Variants in PMPCB observed in about 807,000 individuals in gnomAD.
PMPCB encodes mitochondrial-processing peptidase subunit beta.
A neutral mutation model predicts 61.5 loss-of-function variants in PMPCB; 46 were observed. The ratio of observed to expected loss-of-function variants is 0.75; its 90% CI spans 0.59 to 0.96. The LOEUF (loss-of-function observed/expected upper bound fraction) is 0.96, where lower values mean the gene tolerates loss of function less well. PMPCB is among the 40% of genes least tolerant of loss of function. The probability of loss-of-function intolerance (pLI) is 0.00; values close to 1 mark genes in which losing one functional copy is unlikely to be tolerated. For missense variants in PMPCB, 590 were observed against 602.4 expected, an observed-to-expected ratio of 0.98 and a Z score of 0.22; for synonymous variants, 191 against 201.6, an observed-to-expected ratio of 0.95 and a Z score of 0.44.
At position 103,314,606 on chromosome 7, in the gene PMPCB, T is replaced by C. The variant is rs1563453722; in HGVS notation, c.*2335T>C. ...AGGTGCAGGAGAATAAACTCCTTTA[T>C]AAAGAAGTGTCTTTCAGGTGTTCTG... On this transcript the variant is annotated 3_prime_UTR_variant, in exon 13 of 13. Transcript: ENST00000249269. 1 of 985,414 alleles carries C rather than the reference T, an allele frequency of 1.0e-6. No homozygotes were observed. The highest frequency in any genetic ancestry group is 1.1e-4 in the East Asian group (1 of 8,816). The allele number at this position is 985,414 out of a possible 1,614,324, so 61.0% of individuals were successfully genotyped here.
At chr7:103,334,630 G>C in the PMPCB span, among the ~76,000 whole-genome samples, 2 of 148,372 alleles carry the variant, frequency 1.3e-5, no homozygotes, top group Admixed American at 1.3e-4. Context: ...AAAAAAAAAA[G>C]AGAGACAAGG....
At chr7:103,300,156 G>A (rs1388737355) in intron 3 of PMPCB, 22 bp from the exon 4 acceptor site, 2 of 1,602,382 alleles carry the variant, frequency 1.2e-6, no homozygotes, top group Non-Finnish European at 8.5e-7. Flanking sequence ...TGCATAATTT[G>A]TTTTTCCTCT....
At position 103,304,167 on chromosome 7, in the gene PMPCB, T is replaced by G. The variant is rs1275822428; in HGVS notation, c.656+127T>G. 5.2e-6 allele frequency: 4 copies of G among 774,098 alleles called. No individual in the cohort carries two copies. In the East Asian group the frequency reaches 1.1e-4, roughly 21 times the overall value. The allele number at this position is 774,098 out of a possible 1,614,324, so 48.0% of individuals were successfully genotyped here. ...CCTGGTAATCTAAGTGAAACTGTAG[T>G]TAGCTACATTTTAGTCCCACCTAGC... On this transcript the variant is annotated intron_variant, in intron 5 of 12. Coordinates refer to ENST00000249269, the MANE Select transcript of PMPCB (RefSeq NM_004279.3).
At chr7:103,306,568 G>T (rs117058788) in intron 6 of PMPCB, among the ~76,000 whole-genome samples, 4,115 of 152,036 alleles carry the variant, frequency 0.027, 89 homozygotes, top group Non-Finnish European at 0.04. Context: ...TTTTAGTAGG[G>T]ATGGGGTTTC....
the PMPCB span, chr7:103,344,718 C>T: frequency 7.6e-7 from 1 of 1,321,468 alleles, no homozygotes; most frequent in Admixed American, 1.8e-5. Flanking sequence ...CTCCGAGCCT[C>T]GCGCCTTGGC....
At chr7:103,319,611 G>A, downstream of PMPCB, 1 of 1,614,028 alleles carries the variant, frequency 6.2e-7, no homozygotes. Flanking sequence ...TCTATTACCT[G>A]TTTTTCCAAA....
In PMPCB at chr7:103,312,653, G is replaced by T. The variant is rs778113353; in HGVS notation, c.*382G>T. The T allele has an allele frequency of 3.1e-6, 5 of 1,611,336 alleles. No homozygotes were observed. In the Admixed American group the frequency reaches 6.7e-5, roughly 22 times the overall value. ...CCATCTCGACAAGTTCCTAGGAAGG[G>T]AGAAAGGTGTGATTTAAGAAGTTGC... is the stretch of plus-strand genomic sequence containing the variant. On this transcript the variant is annotated 3_prime_UTR_variant, in exon 13 of 13. Transcript: ENST00000249269.
chr7:103,312,788 T>C lies in PMPCB; in HGVS notation c.*517T>C, dbSNP rs1817823274. On this transcript the variant is annotated 3_prime_UTR_variant, in exon 13 of 13. Transcript: ENST00000249269. ...ATTATCTGCCAGGGCCTAGAAAGTTTCTAAGGTTGCTCATTTCTTCCTCAT... is the reference window on the plus strand; with the variant it reads ...ATTATCTGCCAGGGCCTAGAAAGTTCCTAAGGTTGCTCATTTCTTCCTCAT... 6.6e-7 allele frequency: 1 copy of C among 1,510,204 alleles called. No homozygotes were observed. The highest frequency in any genetic ancestry group is 1.4e-5 in the South Asian group (1 of 72,166). The allele number at this position is 1,510,204 out of a possible 1,614,324, so 93.6% of individuals were successfully genotyped here.
At chr7:103,345,704 C>T in the PMPCB span, among the ~76,000 whole-genome samples, 3 of 151,698 alleles carry the variant, frequency 2.0e-5, no homozygotes, top group Admixed American at 6.6e-5. Flanking sequence ...GATCCTCCTG[C>T]CTCAGTCTCC....
At chr7:103,318,160 AT>A (rs3214210), downstream of PMPCB, among the ~76,000 whole-genome samples, 35 of 146,468 alleles carry the variant, frequency 2.4e-4, no homozygotes, top group South Asian at 1.3e-3. Context: ...TCCCCATAAC[AT>A]TTTTTTTTTG....
chr7:103,345,091 T>A, the PMPCB span: 3,184 of 265,610 alleles, frequency 0.012, 89 homozygotes, highest in African/African-American at 0.065. Context: ...AAAATACCTG[T>A]ATGAACCAGT....
In PMPCB at chr7:103,307,181, C is replaced by T. The variant is rs148533889; in HGVS notation, c.737-415C>T. ...GAACTGGGATTATAGGCGTGAGCCA[C>T]CATGCCCAGCTCCAGCTTTTTAAAA... On this transcript the variant is annotated intron_variant, in intron 6 of 12. Coordinates refer to ENST00000249269, the MANE Select transcript of PMPCB (RefSeq NM_004279.3). 4.7e-3 allele frequency among the ~76,000 whole-genome samples: 709 copies of T among 152,356 alleles called. 6 individuals carry two copies. The highest frequency in any genetic ancestry group is 0.016 in the African/African-American group (672 of 41,574).
rs1817312605 is a variant in PMPCB at position 103,297,479 on chromosome 7, G to C, written c.20G>C (p.Arg7Pro). The change falls in exon 1 of 13, where the codon CGA becomes CCA. Residue 7 changes from arginine to proline, a missense_variant. Coordinates refer to ENST00000249269, the MANE Select transcript of PMPCB (RefSeq NM_004279.3). ...GCAGAAATGGCGGCTGCGGCGGCTC[G>C]AGTGGTGTTGTCATCCGCGGCGCGG... MAAAAARVVLSSAARRR... is the reference protein window; with the variant it reads MAAAAAPVVLSSAARRR... 1 of 1,549,688 alleles carries C rather than the reference G, an allele frequency of 6.5e-7. No homozygotes were observed. The highest frequency in any genetic ancestry group is 8.7e-7 in the Non-Finnish European group (1 of 1,148,070).
At chr7:103,341,636 A>G in the PMPCB span, 1 of 750,014 alleles carries the variant, frequency 1.3e-6, no homozygotes, top group Non-Finnish European at 2.1e-6. Context: ...CTTAGTAATA[A>G]ACAGATGCTA....
chr7:103,306,746 TTTTA>T (rs1028898387), intron 6 of PMPCB, among the ~76,000 whole-genome samples: 3 of 152,204 alleles, frequency 2.0e-5, no homozygotes, highest in South Asian at 4.2e-4. Context: ...TCCAGCTTTC[TTTTA>T]TTTATTTAAT....
At chr7:103,297,859 A>G (rs1817331701) in intron 1 of PMPCB, 1 of 1,468,646 alleles carries the variant, frequency 6.8e-7, no homozygotes, top group South Asian at 1.2e-5. Flanking sequence ...GGGGAAAACT[A>G]AAAAGTGAAA....
At position 103,310,430 on chromosome 7, in the gene PMPCB, A is replaced by T. The variant is rs1244165080; in HGVS notation, c.1109A>T (p.Glu370Val). 1 of 1,613,508 alleles carries T rather than the reference A, an allele frequency of 6.2e-7. No individual in the cohort carries two copies. Among genetic ancestry groups the T allele is most frequent in the Admixed American group, 1.7e-5 (1 of 59,952 alleles). Residue 370 changes from glutamate to valine, a missense_variant, in exon 9 of 13, where the codon GAA (glutamate) becomes GTA (valine). Physicochemically the swap from Glu to Val is moderately radical, Grantham distance 121. Coordinates refer to ENST00000249269, the MANE Select transcript of PMPCB (RefSeq NM_004279.3). ...TTATGGGGACTGTATATGGTTTGTGAATCATCCACTGTTGCAGACATGCTA... is the reference window on the plus strand; with the variant it reads ...TTATGGGGACTGTATATGGTTTGTGTATCATCCACTGTTGCAGACATGCTA... ...TGLWGLYMVCESSTVADMLHV... is the reference protein window; with the variant it reads ...TGLWGLYMVCVSSTVADMLHV...
chr7:103,314,117 CT>C lies in PMPCB; in HGVS notation c.*1852del, dbSNP rs1586059075. 2 of 985,354 alleles carry C rather than the reference CT, an allele frequency of 2.0e-6. No homozygotes were observed. Among genetic ancestry groups the C allele is most frequent in the Non-Finnish European group, 2.4e-6 (2 of 829,928 alleles). The allele number at this position is 985,354 out of a possible 1,614,324, so 61.0% of individuals were successfully genotyped here. A position where few individuals can be genotyped will look rare whatever the true frequency, so the allele number is the denominator to read the frequency against. ...GATGGTACCTAAGGTGCCTAAGAAG[CT>C]TTTTTGAAGGTAGCTTTTAAGTTCT... On this transcript the variant is annotated 3_prime_UTR_variant, in exon 13 of 13. Coordinates refer to ENST00000249269, the MANE Select transcript of PMPCB (RefSeq NM_004279.3).
chr7:103,317,038 G>T (rs777016267), downstream of PMPCB: 1 of 1,596,254 alleles, frequency 6.3e-7, no homozygotes, highest in Admixed American at 1.7e-5. Flanking sequence ...ATAAGTCAGG[G>T]ACTTAGAAGT....
Sources: gnomAD v4.1 joint callset for allele counts (sites outside exome capture counted in the v4.1 genomes callset) on GRCh38, gnomAD v4.1.1 for gene constraint, MANE v1.5 for transcripts, NCBI Gene and HGNC (gene_info 2026-07-23, HGNC 2026-07-21) for gene names.